The following ANO5 variants were observed in gnomAD, a reference collection of about 807,000 sequenced individuals.
ANO5 encodes anoctamin 5, also known as anoctamin-5.
Under a neutral mutation model 121.0 loss-of-function variants are expected in ANO5, and 109 were observed. The ratio of observed to expected loss-of-function variants is 0.90; its 90% CI spans 0.77 to 1.06. The LOEUF is 1.06. Ranked by LOEUF, ANO5 falls within the 50% of genes least tolerant of loss-of-function variation. The pLI is 0.00. For synonymous variants in ANO5, 406 were observed against 359.9 expected (o/e 1.13, Z -1.45); for missense variants, 1,064 against 1,078.5 (o/e 0.99, Z 0.19).
At chr11:22,235,179 A>T (rs1311000551) in intron 7 of ANO5, among the ~76,000 whole-genome samples, 1 of 152,044 alleles carries the variant, frequency 6.6e-6, no homozygotes, top group African/African-American at 2.4e-5. Context: ...TTAGAATACT[A>T]TGCTTTACTT....
chr11:22,254,251 T>G (rs76930480), intron 12 of ANO5, among the ~76,000 whole-genome samples: 23 of 152,254 alleles, frequency 1.5e-4, no homozygotes, highest in African/African-American at 5.1e-4. Flanking sequence ...TTTTTAAAAA[T>G]GTATGGATAT....
At chr11:22,267,436 T>C (rs141309084) in intron 17 of ANO5, among the ~76,000 whole-genome samples, 2,463 of 151,170 alleles carry the variant, frequency 0.016, 67 homozygotes, top group African/African-American at 0.057. Flanking sequence ...ACTCTTCATC[T>C]ACATACAATA....
intron 17 of ANO5, among the ~76,000 whole-genome samples, chr11:22,265,165 G>A (rs1389402125): frequency 6.6e-6 from 1 of 151,992 alleles, no homozygotes; most frequent in South Asian, 2.1e-4. Context: ...GATTCATTAT[G>A]GTGAAACTAC....
rs556501103 is a variant in ANO5 at position 22,270,021 on chromosome 11, C to T, written c.1899-291C>T. 4.6e-5 allele frequency among the ~76,000 whole-genome samples: 7 copies of T among 152,292 alleles called. No individual in the cohort carries two copies. In the East Asian group the frequency reaches 1.4e-3, roughly 29 times the overall value. On this transcript the variant is annotated intron_variant, in intron 17 of 21. Coordinates refer to ENST00000324559, the MANE Select transcript of ANO5 (RefSeq NM_213599.3). ...AAGTGGTCTTAGTGGTAACTCTCTC[C>T]TCCACTTATTCCTTAGCCAAACTGT... is the stretch of plus-strand genomic sequence containing the variant.
chr11:22,259,199 AGGCAAGGCCACG>A (rs1382573845), intron 14 of ANO5, among the ~76,000 whole-genome samples: 4 of 152,054 alleles, frequency 2.6e-5, no homozygotes, highest in African/African-American at 9.7e-5. Flanking sequence ...AGATAAGATC[AGGCAAGGCCACG>A]GGCAGGATTT....
At chr11:22,244,368 A>C (rs1365046815) in intron 9 of ANO5, among the ~76,000 whole-genome samples, 1 of 151,938 alleles carries the variant, frequency 6.6e-6, no homozygotes, top group Non-Finnish European at 1.5e-5. Flanking sequence ...GGTGAATCTG[A>C]TGACTATGTG....
At chr11:22,251,061 G>A (rs2133705339) in intron 12 of ANO5, 50 bp downstream of exon 12, 1 of 1,521,568 alleles carries the variant, frequency 6.6e-7, no homozygotes, top group South Asian at 1.1e-5. Context: ...TTAATGTGTT[G>A]TTTTGCCTCC....
chr11:22,220,862 A>G (rs1852618577), intron 4 of ANO5, among the ~76,000 whole-genome samples: 1 of 151,864 alleles, frequency 6.6e-6, no homozygotes, highest in South Asian at 2.1e-4. Flanking sequence ...ATATTTTGGT[A>G]TGTTTGCAGC....
intron 14 of ANO5, 33 bp from the exon 15 acceptor site, chr11:22,259,486 C>A (rs1372514679): frequency 6.4e-7 from 1 of 1,566,330 alleles, no homozygotes; most frequent in Admixed American, 1.7e-5. Context: ...GATACAGAGA[C>A]CCAAATAGCA....
chr11:22,235,447 A>G (rs975899001), intron 7 of ANO5, among the ~76,000 whole-genome samples: 8 of 152,112 alleles, frequency 5.3e-5, no homozygotes, highest in Non-Finnish European at 1.2e-4. Context: ...AAGAACTACA[A>G]CCATTCCAAT....
At chr11:22,269,286 G>A (rs1367237278) in intron 17 of ANO5, among the ~76,000 whole-genome samples, 4 of 47,336 alleles carry the variant, frequency 8.5e-5, no homozygotes, top group South Asian at 7.0e-4. Context: ...GGGAAGAGAA[G>A]GGAAGAAGGA....
Position 22,193,145 on chromosome 11 carries a change from C to T in ANO5, c.-348C>T. On this transcript the variant is annotated 5_prime_UTR_variant, in exon 1 of 22. Coordinates refer to ENST00000324559, the MANE Select transcript of ANO5 (RefSeq NM_213599.3). ...GCTGCGGGATCAGCTGCCGAGCAGG[C>T]ACAGGGACAGGTGCCTGGAGAAGTA... 1.8e-6 allele frequency: 2 copies of T among 1,141,976 alleles called. No homozygotes were observed. The highest frequency in any genetic ancestry group is 1.6e-5 in the African/African-American group (1 of 61,478). 70.7% of individuals were successfully genotyped at this position (1,141,976 alleles called of 1,614,324 possible). A position where few individuals can be genotyped will look rare whatever the true frequency, so the allele number is the denominator to read the frequency against.
intron 5 of ANO5, among the ~76,000 whole-genome samples, chr11:22,221,933 A>G (rs1268356452): frequency 1.3e-5 from 2 of 152,030 alleles, no homozygotes; most frequent in African/African-American, 4.8e-5. Flanking sequence ...ATACATATAC[A>G]GGTCTGTCCC....
At chr11:22,257,052 T>A (rs1378473319) in intron 13 of ANO5, among the ~76,000 whole-genome samples, 2 of 146,532 alleles carry the variant, frequency 1.4e-5, no homozygotes, top group South Asian at 2.2e-4. Context: ...AATTACATGA[T>A]TTTGATTTCT....
chr11:22,225,984 G>A lies in ANO5; in HGVS notation c.295G>A (p.Glu99Lys). Residue 99 changes from glutamate (E) to lysine (K), a missense_variant and splice_region_variant, in exon 6 of 22, where the codon GAA (glutamate) becomes AAA (lysine). Transcript: ENST00000324559. Reference protein sequence around the residue: ...DVKKDAELKAERRKEFETNLR... With the variant: ...DVKKDAELKAKRRKEFETNLR... ...TTCTGTTGATTTTTTTTTGTCATAG[G>A]AAAGAAGAAAAGAGTTTGAAACTAA... 2.5e-6 allele frequency: 4 copies of A among 1,604,396 alleles called. 1 individual carries two copies. The South Asian group carries it at 4.4e-5, about 18-fold the overall frequency.
Position 22,262,927 on chromosome 11 carries a change from C to T in ANO5, c.1801-19C>T. 1.3e-6 allele frequency: 2 copies of T among 1,565,130 alleles called. No homozygotes were observed. Among genetic ancestry groups the T allele is most frequent in the Non-Finnish European group, 1.8e-6 (2 of 1,135,858 alleles). ...TTTGATCATTCAATTCTGTTTTCTC[C>T]CCTCTTGCTTCTGACTAGTGTGATC... is the stretch of plus-strand genomic sequence containing the variant. On this transcript the variant is annotated intron_variant, in intron 16 of 21. Transcript: ENST00000324559.
chr11:22,269,922 G>C (rs1448928626), intron 17 of ANO5, among the ~76,000 whole-genome samples: 1 of 152,106 alleles, frequency 6.6e-6, no homozygotes, highest in Non-Finnish European at 1.5e-5. Flanking sequence ...TATTATGTAA[G>C]TCATTTCCTA....
At chr11:22,250,177 C>T in intron 9 of ANO5, 60 bp from the exon 10 acceptor site, 1 of 1,462,444 alleles carries the variant, frequency 6.8e-7, no homozygotes, top group Non-Finnish European at 9.4e-7. Context: ...AATACAAAAT[C>T]AAGGCTCCAG....
At chr11:22,269,567 G>C (rs1223154718) in intron 17 of ANO5, among the ~76,000 whole-genome samples, 1 of 142,978 alleles carries the variant, frequency 7.0e-6, no homozygotes, top group Non-Finnish European at 1.5e-5. Context: ...AAAAGAAAAG[G>C]AAAGAAAAAA....
Sources: allele counts gnomAD v4.1 joint callset (sites outside exome capture counted in the v4.1 genomes callset), GRCh38; gene constraint gnomAD v4.1.1; transcripts MANE v1.5; gene names NCBI Gene and HGNC (gene_info 2026-07-23, HGNC 2026-07-21).